The following KCNAB3 variants were observed in gnomAD, a reference collection of about 807,000 sequenced individuals.
The protein encoded by KCNAB3 is voltage-gated potassium channel subunit beta-3.
Under a neutral mutation model 67.7 loss-of-function variants are expected in KCNAB3, and 62 were observed. That is an observed-to-expected ratio of 0.92 (90% CI 0.75 to 1.13). The LOEUF (loss-of-function observed/expected upper bound fraction) is 1.13, where lower values mean the gene tolerates loss of function less well. Among genes scored for constraint, KCNAB3 ranks in the 50% most tolerant of loss-of-function variants. The pLI is 0.00. For missense variants in KCNAB3, 514 were observed against 522.9 expected (o/e 0.98, Z 0.17); for synonymous variants, 212 against 205.4 (o/e 1.03, Z -0.27).
intron 4 of KCNAB3, 26 bp downstream of exon 4, chr17:7,927,318 C>G (rs756083511): frequency 6.2e-6 from 10 of 1,603,568 alleles, no homozygotes; most frequent in Non-Finnish European, 6.8e-6. Flanking sequence ...CCAAATGGAG[C>G]TTAGCTCTTT....
chr17:7,929,459 G>T lies in KCNAB3; in HGVS notation c.-24C>A. Reference sequence around the variant, plus strand: ...ATGCTGGCTGGCCGAGGCGGGGGAGGGGGCTCCGAGGGGACGGGAGGGGGG... The same window carrying T: ...ATGCTGGCTGGCCGAGGCGGGGGAGTGGGCTCCGAGGGGACGGGAGGGGGG... On this transcript the variant is annotated 5_prime_UTR_variant, in exon 1 of 14. Transcript: ENST00000303790. This position sits in a 1 kb window ranked among gnomAD's most constrained non-coding sequence, Gnocchi z 5.7. The T allele has an allele frequency of 6.5e-7, 1 of 1,526,934 alleles. No individual in the cohort carries two copies. The allele number at this position is 1,526,934 out of a possible 1,614,324, so 94.6% of individuals were successfully genotyped here.
In KCNAB3 at chr17:7,929,078, G is replaced by T. The variant is rs915319093; in HGVS notation, c.242+116C>A. On this transcript the variant is annotated intron_variant, in intron 1 of 13. Coordinates refer to ENST00000303790, the MANE Select transcript of KCNAB3 (RefSeq NM_004732.4). The surrounding 1 kb of genome is among the most constrained non-coding windows in gnomAD (Gnocchi z 5.7). ...AGTGCCAGAGACAGAAAGAAGAGAT[G>T]GAAAGAAGGGAGACCTACTTAGTGA... is the stretch of plus-strand genomic sequence containing the variant. The T allele has an allele frequency of 1.4e-5, 20 of 1,436,546 alleles. No individual in the cohort carries two copies. In the South Asian group the frequency reaches 2.0e-4, roughly 14 times the overall value. 89.0% of individuals were successfully genotyped at this position (1,436,546 alleles called of 1,614,324 possible).
Position 7,924,242 on chromosome 17 carries a change from C to T in KCNAB3, c.735G>A (p.Gln245=). 6.2e-7 allele frequency: 1 copy of T among 1,614,190 alleles called. No individual in the cohort carries two copies. The highest frequency in any genetic ancestry group is 8.5e-7 in the Non-Finnish European group (1 of 1,180,032). ...CACACACTGGAGGAATCAGATTGAA[C>T]TGTCTGGCCATGGAGTAGGCCTCCT... is the stretch of plus-strand genomic sequence containing the variant. ...EIMEAYSMAR[Q]FNLIPPVCEQ... The change falls in exon 10 of 14, where the codon CAG becomes CAA. Residue 245 remains glutamine (Q), a synonymous_variant. Coordinates refer to ENST00000303790, the MANE Select transcript of KCNAB3 (RefSeq NM_004732.4).
rs772852115 is a variant in KCNAB3 at position 7,923,159 on chromosome 17, C to T, written c.1158G>A (p.Pro386=). 2 of 1,614,116 alleles carry T rather than the reference C, an allele frequency of 1.2e-6. No individual in the cohort carries two copies. Among genetic ancestry groups the T allele is most frequent in the Non-Finnish European group, 1.7e-6 (2 of 1,180,018 alleles). ...GCCCGTCTATTTCCATCACTGTCTG[C>T]GGGGTCAGCTGGCTCAGCACCTGGA... ...GALQVLSQLT[P]QTVMEIDGLL... Residue 386 remains proline (P), a synonymous_variant, in exon 14 of 14, where the codon CCG becomes CCA. Transcript: ENST00000303790.
chr17:7,929,337 A>C lies in KCNAB3; in HGVS notation c.99T>G (p.Gly33=). ...TCCCGTGCCCCCCGCCGGCCGGCCC[A>C]CCATTACCGCCCCCGGGGCCCGGCC... ...GPRPGPGGGN[G]GPAGGGHGNP... The change falls in exon 1 of 14, where the codon GGT becomes GGG. Residue 33 remains glycine, a synonymous_variant. Transcript: ENST00000303790. The surrounding 1 kb of genome is among the most constrained non-coding windows in gnomAD (Gnocchi z 5.7). 2 of 1,549,908 alleles carry C rather than the reference A, an allele frequency of 1.3e-6. No individual in the cohort carries two copies. The highest frequency in any genetic ancestry group is 8.7e-7 in the Non-Finnish European group (1 of 1,147,150).
Position 7,927,443 on chromosome 17 carries a change from A to C in KCNAB3, c.325-20T>G. 2 of 1,610,528 alleles carry C rather than the reference A, an allele frequency of 1.2e-6. No individual in the cohort carries two copies. The highest frequency in any genetic ancestry group is 2.2e-5 in the South Asian group (2 of 91,012). ...TGCTGTCTAGGGAGGTGAAAGAGGTAAAGATCAACTACTGCTCCTCAGTTA... is the reference window on the plus strand; with the variant it reads ...TGCTGTCTAGGGAGGTGAAAGAGGTCAAGATCAACTACTGCTCCTCAGTTA... On this transcript the variant is annotated intron_variant, in intron 3 of 13. Coordinates refer to ENST00000303790, the MANE Select transcript of KCNAB3 (RefSeq NM_004732.4).
At chr17:7,927,519 T>C (rs1972274353) in intron 3 of KCNAB3, 96 bp from the exon 4 acceptor site, 1 of 1,501,878 alleles carries the variant, frequency 6.7e-7, no homozygotes, top group African/African-American at 1.4e-5. Context: ...GGTTCTCTAG[T>C]CTCTCCCCTC....
Position 7,929,803 on chromosome 17 carries a change from GA to G in KCNAB3, c.-369del. 4 of 1,073,376 alleles carry G rather than the reference GA, an allele frequency of 3.7e-6. No homozygotes were observed. Among genetic ancestry groups the G allele is most frequent in the Admixed American group, 5.4e-5 (1 of 18,484 alleles). The allele number at this position is 1,073,376 out of a possible 1,614,324, so 66.5% of individuals were successfully genotyped here. A position where few individuals can be genotyped will look rare whatever the true frequency, so the allele number is the denominator to read the frequency against. On this transcript the variant is annotated 5_prime_UTR_variant, in exon 1 of 14. Transcript: ENST00000303790. This position sits in a 1 kb window ranked among gnomAD's most constrained non-coding sequence, Gnocchi z 5.7. ...CGGGAGAGAGATGCCACTTCAGCGCGAACCGCTGCGGGACCCGCTGGGCTCC... is the reference window on the plus strand; with the variant it reads ...CGGGAGAGAGATGCCACTTCAGCGCGACCGCTGCGGGACCCGCTGGGCTCC...
Position 7,929,177 on chromosome 17 carries a change from C to T in KCNAB3, c.242+17G>A. 2 of 1,610,672 alleles carry T rather than the reference C, an allele frequency of 1.2e-6. No individual in the cohort carries two copies. The highest frequency in any genetic ancestry group is 1.1e-5 in the South Asian group (1 of 90,922). On this transcript the variant is annotated intron_variant, in intron 1 of 13. Transcript: ENST00000303790. This position sits in a 1 kb window ranked among gnomAD's most constrained non-coding sequence, Gnocchi z 5.7. ...AAAGGAAAGCGGAAGGGGTGGGCTG[C>T]CCGGCCACCCCCATACCTGTATTTC... is the stretch of plus-strand genomic sequence containing the variant.
chr17:7,924,191 C>T lies in KCNAB3; in HGVS notation c.786G>A (p.Gln262=), dbSNP rs781493717. ...GCAGCTGCATCTCCACCTTCTCCCT[C>T]TGAAACAGATGGTGCTCCGCTTGTT... ...VCEQAEHHLF[Q]REKVEMQLPE... The change falls in exon 10 of 14, where the codon CAG becomes CAA. Residue 262 remains glutamine (Q), a synonymous_variant. Coordinates refer to ENST00000303790, the MANE Select transcript of KCNAB3 (RefSeq NM_004732.4). The T allele has an allele frequency of 1.2e-6, 2 of 1,614,242 alleles. No homozygotes were observed. The highest frequency in any genetic ancestry group is 4.5e-5 in the East Asian group (2 of 44,894).
intron 13 of KCNAB3, 137 bp downstream of exon 13, chr17:7,923,319 C>G: frequency 8.0e-7 from 1 of 1,250,486 alleles, no homozygotes; most frequent in Non-Finnish European, 1.2e-6. Flanking sequence ...GCCTCGCTTT[C>G]CGGCCCTGGG....
Position 7,922,253 on chromosome 17 carries a change from A to C in KCNAB3, c.*849T>G, listed in dbSNP as rs568161191. ...GAGAAGGGGCCATCATTATTGCTTT[A>C]GGTTTATTGCCAGGAGGAAGACTGC... On this transcript the variant is annotated 3_prime_UTR_variant, in exon 14 of 14. Coordinates refer to ENST00000303790, the MANE Select transcript of KCNAB3 (RefSeq NM_004732.4). 3.5e-4 allele frequency: 53 copies of C among 152,350 alleles called. No homozygotes were observed. Among genetic ancestry groups the C allele is most frequent in the Middle Eastern group, 3.4e-3 (1 of 294 alleles). The allele number at this position is 152,350 out of a possible 1,614,324, so 9.4% of individuals were successfully genotyped here.
rs1200289515 is a variant in KCNAB3, at chr17:7,929,313, C to T, written c.123G>A (p.Gly41=). ...GNGGPAGGGH[G]NPPGGGGSGP... The stretch of plus-strand genomic sequence containing the variant: ...CAGACCCTCCACCCCCCGGAGGATT[C>T]CCGTGCCCCCCGCCGGCCGGCCCAC... Residue 41 remains glycine, a synonymous_variant, in exon 1 of 14, where the codon GGG becomes GGA. Coordinates refer to ENST00000303790, the MANE Select transcript of KCNAB3 (RefSeq NM_004732.4). The surrounding 1 kb of genome is among the most constrained non-coding windows in gnomAD (Gnocchi z 5.7). 2 of 1,557,052 alleles carry T rather than the reference C, an allele frequency of 1.3e-6. No individual in the cohort carries two copies. Among genetic ancestry groups the T allele is most frequent in the South Asian group, 1.2e-5 (1 of 85,042 alleles).
At chr17:7,928,029 A>G (rs2151718719) in intron 1 of KCNAB3, 1 of 622,614 alleles carries the variant, frequency 1.6e-6, no homozygotes, top group South Asian at 1.9e-5. Flanking sequence ...CAAGTGAACC[A>G]TATGTGACTG....
chr17:7,927,916 A>C (rs1972290266), intron 1 of KCNAB3, 90 bp from the exon 2 acceptor site: 2 of 1,498,320 alleles, frequency 1.3e-6, no homozygotes, highest in Admixed American at 1.7e-5. Context: ...CAGACTGAGA[A>C]GCCCTCAGGT....
chr17:7,929,478 AG>A lies in KCNAB3; in HGVS notation c.-44del. Reference sequence around the variant, plus strand: ...GGGGAGGGGGCTCCGAGGGGACGGGAGGGGGGAGCAGGGAAGCCCGAGGGCT... The same window carrying A: ...GGGGAGGGGGCTCCGAGGGGACGGGAGGGGGAGCAGGGAAGCCCGAGGGCT... On this transcript the variant is annotated 5_prime_UTR_variant, in exon 1 of 14. Coordinates refer to ENST00000303790, the MANE Select transcript of KCNAB3 (RefSeq NM_004732.4). This position sits in a 1 kb window ranked among gnomAD's most constrained non-coding sequence, Gnocchi z 5.7. The A allele has an allele frequency of 1.8e-6, 2 of 1,097,348 alleles. No homozygotes were observed. Among genetic ancestry groups the A allele is most frequent in the Non-Finnish European group, 2.6e-6 (2 of 772,526 alleles). 68.0% of individuals were successfully genotyped at this position (1,097,348 alleles called of 1,614,324 possible). A position where few individuals can be genotyped will look rare whatever the true frequency, so the allele number is the denominator to read the frequency against.
At position 7,929,835 on chromosome 17, in the gene KCNAB3, G is replaced by GAATTAT; in HGVS notation, c.-401_-400insATAATT. 6 of 1,029,898 alleles carry GAATTAT rather than the reference G, an allele frequency of 5.8e-6. No homozygotes were observed. The highest frequency in any genetic ancestry group is 5.5e-5 in the Admixed American group (1 of 18,138). The allele number at this position is 1,029,898 out of a possible 1,614,324, so 63.8% of individuals were successfully genotyped here. On this transcript the variant is annotated 5_prime_UTR_variant, in exon 1 of 14. Transcript: ENST00000303790. The surrounding 1 kb of genome is among the most constrained non-coding windows in gnomAD (Gnocchi z 5.7). ...TGCGGGACCCGCTGGGCTCCCAGCC[G>GAATTAT]CGTCGGCAGCGGGCCCAGCTCATCA...
chr17:7,926,161 C>T, intron 4 of KCNAB3, 58 bp from the exon 5 acceptor site: 1 of 1,591,438 alleles, frequency 6.3e-7, no homozygotes, highest in Non-Finnish European at 8.6e-7. Context: ...ATTCCTTCCT[C>T]TCCTCCCCAC....
rs1421569352 is a variant in KCNAB3 at position 7,925,686 on chromosome 17, CAAT to C, written c.532_534del (p.Ile178del). The stretch of plus-strand genomic sequence containing the variant: ...GTTTCCAGCCCCTAACTCTCACCCT[CAAT>C]GATGTGCTTTCGGCTTAAACCTCGC... On this transcript the variant is annotated inframe_deletion, in exon 7 of 14. Coordinates refer to ENST00000303790, the MANE Select transcript of KCNAB3 (RefSeq NM_004732.4). 1.5e-4 allele frequency: 243 copies of C among 1,614,014 alleles called. No homozygotes were observed. The highest frequency in any genetic ancestry group is 2.0e-4 in the Non-Finnish European group (241 of 1,180,022).
Sources: gnomAD v4.1 joint callset for allele counts on GRCh38, gnomAD v4.1.1 for gene constraint, Gnocchi (gnomAD v3.1) non-coding constraint, MANE v1.5 for transcripts, NCBI Gene and HGNC (gene_info 2026-07-23, HGNC 2026-07-21) for gene names.